The following SIPA1L3 variants were observed in gnomAD, a reference collection of about 807,000 sequenced individuals.
SIPA1L3 encodes the protein signal-induced proliferation-associated 1-like protein 3.
A neutral mutation model predicts 150.1 loss-of-function variants in SIPA1L3; 59 were observed. That is an observed-to-expected ratio of 0.39 (90% CI 0.32 to 0.49). The LOEUF is 0.49. SIPA1L3 is among the 20% of genes least tolerant of loss of function. The pLI, the probability that SIPA1L3 is intolerant of heterozygous loss-of-function variation, is 0.86. For missense variants in SIPA1L3, 2,211 were observed against 2,489.5 expected (o/e 0.89, Z 2.38); for synonymous variants, 1,070 against 1,077.6 (o/e 0.99, Z 0.14).
chr19:38,121,378 C>T (rs1568560908), intron 9 of SIPA1L3, among the ~76,000 whole-genome samples: 1 of 151,496 alleles, frequency 6.6e-6, no homozygotes, highest in African/African-American at 2.4e-5. Context: ...GCGAGGCTTG[C>T]AGTGAGCTGA....
Position 38,062,879 on chromosome 19 carries a change from C to T in SIPA1L3, c.-310-18377C>T, listed in dbSNP as rs982124021. On this transcript the variant is annotated intron_variant, in intron 2 of 21. Transcript: ENST00000222345. Reference sequence around the variant, plus strand: ...CAGGTGATCCGCCTGCCGTGGCCTCCCAAAGTGCTGGGATTACGGCCTGCT... The same window carrying T: ...CAGGTGATCCGCCTGCCGTGGCCTCTCAAAGTGCTGGGATTACGGCCTGCT... Among the ~76,000 whole-genome samples the T allele has an allele frequency of 3.3e-5, 5 of 152,114 alleles. 1 individual carries two copies. The highest frequency in any genetic ancestry group is 6.5e-5 in the Admixed American group (1 of 15,274).
chr19:37,978,589 T>C (rs833897), intron 1 of SIPA1L3, among the ~76,000 whole-genome samples: 43,377 of 152,092 alleles, frequency 0.29, 7,574 homozygotes, highest in East Asian at 0.62. Flanking sequence ...AGCTTGGGTT[T>C]GTCCTTCTAT....
chr19:38,036,158 G>A (rs552021554), intron 2 of SIPA1L3, among the ~76,000 whole-genome samples: 1 of 152,192 alleles, frequency 6.6e-6, no homozygotes, highest in Non-Finnish European at 1.5e-5. Context: ...TGGCCAGAAC[G>A]CATGGATGCT....
chr19:37,909,925 C>G (rs1292470132), intron 1 of SIPA1L3, among the ~76,000 whole-genome samples: 2 of 142,060 alleles, frequency 1.4e-5, no homozygotes, highest in South Asian at 2.3e-4. Flanking sequence ...TGATGGCCAA[C>G]AAATTTACCT....
intron 16 of SIPA1L3, among the ~76,000 whole-genome samples, chr19:38,190,373 C>T (rs1423178187): frequency 6.6e-6 from 1 of 152,188 alleles, no homozygotes; most frequent in Non-Finnish European, 1.5e-5. Flanking sequence ...CTCTATTTCT[C>T]TCTTTTGAAT....
chr19:38,137,524 C>T (rs1191618106), intron 10 of SIPA1L3, among the ~76,000 whole-genome samples: 1 of 151,654 alleles, frequency 6.6e-6, no homozygotes, highest in Non-Finnish European at 1.5e-5. Context: ...GGGTCTAGAA[C>T]TCCTGGGTTC....
intron 1 of SIPA1L3, among the ~76,000 whole-genome samples, chr19:37,930,513 A>C (rs1242691491): frequency 6.6e-6 from 1 of 152,132 alleles, no homozygotes; most frequent in East Asian, 1.9e-4. Context: ...ACCAAAAAAA[A>C]TCTATGAAGA....
intron 2 of SIPA1L3, among the ~76,000 whole-genome samples, chr19:38,040,262 C>T (rs1423022634): frequency 1.3e-5 from 2 of 152,162 alleles, no homozygotes; most frequent in African/African-American, 2.4e-5. Context: ...GCTGTCTCCA[C>T]GTCCATCTGA....
chr19:38,058,957 A>G (rs1599970950), intron 2 of SIPA1L3, among the ~76,000 whole-genome samples: 1 of 151,480 alleles, frequency 6.6e-6, no homozygotes, highest in East Asian at 2.0e-4. Flanking sequence ...ACCAGGAAGC[A>G]GAGGTTACAG....
At chr19:37,938,790 T>G (rs758261307) in intron 1 of SIPA1L3, among the ~76,000 whole-genome samples, 12 of 151,972 alleles carry the variant, frequency 7.9e-5, no homozygotes, top group Non-Finnish European at 5.9e-5. Context: ...ACCCAGCTAA[T>G]TTTTGTATTT....
intron 1 of SIPA1L3, among the ~76,000 whole-genome samples, chr19:37,916,958 C>CA (rs370726629): frequency 1.1e-3 from 148 of 133,926 alleles, no homozygotes; most frequent in African/African-American, 1.1e-3. Context: ...GACTCCTTCT[C>CA]AAAAAAAAAA....
chr19:38,071,201 T>TTATCTATCTATC lies in SIPA1L3; in HGVS notation c.-310-10001_-310-9990dup, dbSNP rs60942211. Among the ~76,000 whole-genome samples, 693 of 142,262 alleles carry TTATCTATCTATC rather than the reference T, an allele frequency of 4.9e-3. 4 individuals are homozygous for TTATCTATCTATC. The highest frequency in any genetic ancestry group is 7.2e-3 in the East Asian group (34 of 4,724). 93.3% of individuals were successfully genotyped at this position (142,262 alleles called of 152,430 possible). On this transcript the variant is annotated intron_variant, in intron 2 of 21. Transcript: ENST00000222345. ...CCAGTCATTTAATAGTTATGTTGTTTTATCTATCTATCTATCTATCTATCT... is the reference window on the plus strand; with the variant it reads ...CCAGTCATTTAATAGTTATGTTGTTTTATCTATCTATCTATCTATCTATCTATCTATCTATCT...
rs890175676 is a variant in SIPA1L3, at chr19:37,960,570, A to AT, written c.-379+53224dup. Reference sequence around the variant, plus strand: ...AGGTGCCCACCACCACGCCTGGCTAATTTTTTTTTTTTATTTTTAGTAGAG... The same window carrying AT: ...AGGTGCCCACCACCACGCCTGGCTAATTTTTTTTTTTTTATTTTTAGTAGAG... On this transcript the variant is annotated intron_variant, in intron 1 of 21. Transcript: ENST00000222345. 5.5e-3 allele frequency among the ~76,000 whole-genome samples: 802 copies of AT among 146,558 alleles called. 19 individuals are homozygous for AT. The highest frequency in any genetic ancestry group is 0.037 in the Admixed American group (545 of 14,702).
At chr19:38,165,166 C>A (rs900000932) in intron 15 of SIPA1L3, among the ~76,000 whole-genome samples, 7 of 152,140 alleles carry the variant, frequency 4.6e-5, no homozygotes, top group Admixed American at 2.0e-4. Context: ...TCTCTCTGAC[C>A]CTCTGTCTCT....
rs570146236 is a variant in SIPA1L3 at position 38,193,528 on chromosome 19, G to A, written c.4597-9G>A. On this transcript the variant is annotated splice_polypyrimidine_tract_variant and intron_variant, in intron 17 of 21. Coordinates refer to ENST00000222345, the MANE Select transcript of SIPA1L3 (RefSeq NM_015073.3). ...TGACCTCCCCCAACATCCCACCCACGCCCCACAGCAGTCACCGCAGAAGGG... is the reference window on the plus strand; with the variant it reads ...TGACCTCCCCCAACATCCCACCCACACCCCACAGCAGTCACCGCAGAAGGG... The A allele has an allele frequency of 2.6e-5, 37 of 1,446,522 alleles. No individual in the cohort carries two copies. In the South Asian group the frequency reaches 4.3e-4, roughly 17 times the overall value. The allele number at this position is 1,446,522 out of a possible 1,614,324, so 89.6% of individuals were successfully genotyped here.
chr19:38,139,064 C>T (rs866621677), intron 10 of SIPA1L3, among the ~76,000 whole-genome samples: 8 of 151,646 alleles, frequency 5.3e-5, no homozygotes, highest in African/African-American at 1.7e-4. Context: ...GGTGTGGTGG[C>T]ACACACCTGT....
intron 1 of SIPA1L3, among the ~76,000 whole-genome samples, chr19:37,979,242 G>A (rs538019531): frequency 2.4e-4 from 36 of 151,592 alleles, no homozygotes; most frequent in Admixed American, 7.9e-4. Flanking sequence ...TTCATGCCAC[G>A]TAAACCTATA....
At chr19:38,099,329 C>T (rs12459984) in intron 4 of SIPA1L3, among the ~76,000 whole-genome samples, 45,944 of 144,256 alleles carry the variant, frequency 0.32, 7,964 homozygotes, top group East Asian at 0.62. Flanking sequence ...GAGCCACCCA[C>T]GCCTGGCCTT....
At chr19:38,179,187 ATCCCAGCACT>A in intron 15 of SIPA1L3, among the ~76,000 whole-genome samples, 1 of 152,214 alleles carries the variant, frequency 6.6e-6, no homozygotes, top group East Asian at 1.9e-4. Flanking sequence ...CACCTGTAAA[ATCCCAGCACT>A]TTGGGAGGCC....
Sources: gnomAD v4.1 joint callset for allele counts (sites outside exome capture counted in the v4.1 genomes callset) on GRCh38, gnomAD v4.1.1 for gene constraint, MANE v1.5 for transcripts, NCBI Gene and HGNC (gene_info 2026-07-23, HGNC 2026-07-21) for gene names.